Variants in LPP observed in about 807,000 individuals in gnomAD.
LPP encodes the protein lipoma-preferred partner.
LPP carries 38 observed loss-of-function variants against 60.4 expected under a neutral mutation model. The ratio of observed to expected loss-of-function variants is 0.63; its 90% confidence interval spans 0.49 to 0.83. The LOEUF (loss-of-function observed/expected upper bound fraction) is 0.83. Ranked by LOEUF, LPP falls within the 40% of genes least tolerant of loss-of-function variation. The pLI, the probability that LPP is intolerant of heterozygous loss-of-function variation, is 0.00. For missense variants in LPP, 902 were observed against 783.6 expected, an observed-to-expected ratio of 1.15 and a Z score of -1.80; for synonymous variants, 328 against 290.8, an observed-to-expected ratio of 1.13 and a Z score of -1.30.
intron 2 of LPP, among the ~76,000 whole-genome samples, chr3:188,230,954 G>A (rs930923827): frequency 4.6e-5 from 7 of 152,050 alleles, no homozygotes; most frequent in African/African-American, 7.3e-5. Flanking sequence ...CAAGCACATC[G>A]CATGATGGTT....
At chr3:188,579,940 A>G in intron 6 of LPP, among the ~76,000 whole-genome samples, 1 of 151,984 alleles carries the variant, frequency 6.6e-6, no homozygotes, top group East Asian at 1.9e-4. Flanking sequence ...GGTCAAGGCT[A>G]CAGTGAGCCA....
intron 5 of LPP, among the ~76,000 whole-genome samples, chr3:188,517,091 G>A (rs1306210092): frequency 6.6e-6 from 1 of 152,098 alleles, no homozygotes; most frequent in African/African-American, 2.4e-5. Flanking sequence ...TAAATAGCTA[G>A]CATTTATTGA....
At chr3:188,323,627 T>G (rs183505212) in intron 2 of LPP, among the ~76,000 whole-genome samples, 163 of 152,334 alleles carry the variant, frequency 1.1e-3, no homozygotes, top group Middle Eastern at 3.4e-3. Context: ...ATTCTCCTTA[T>G]GTGGAAATAA....
intron 7 of LPP, among the ~76,000 whole-genome samples, chr3:188,631,299 G>C (rs1447501689): frequency 6.6e-6 from 1 of 152,100 alleles, no homozygotes; most frequent in Non-Finnish European, 1.5e-5. Context: ...CCTTTAATCT[G>C]CACAACTTTT....
chr3:188,165,529 G>A (rs896729382), intron 1 of LPP, among the ~76,000 whole-genome samples: 3 of 152,114 alleles, frequency 2.0e-5, no homozygotes, highest in Non-Finnish European at 2.9e-5. Flanking sequence ...GATGGGTTAG[G>A]GTCTACATTG....
At chr3:188,789,806 A>G (rs1449245903) in intron 9 of LPP, among the ~76,000 whole-genome samples, 1 of 152,234 alleles carries the variant, frequency 6.6e-6, no homozygotes, top group Admixed American at 6.5e-5. Context: ...AGAAAATAAA[A>G]ATAACAAATG....
chr3:188,727,108 A>G (rs1401857778), intron 8 of LPP, among the ~76,000 whole-genome samples: 2 of 152,192 alleles, frequency 1.3e-5, no homozygotes, highest in African/African-American at 4.8e-5. Context: ...TCACCATCCC[A>G]GAAAAGCCCA....
chr3:188,835,259 A>G (rs1232885034), intron 9 of LPP, among the ~76,000 whole-genome samples: 1 of 150,816 alleles, frequency 6.6e-6, no homozygotes, highest in Non-Finnish European at 1.5e-5. Flanking sequence ...GGAGTTCTAG[A>G]CTACCCTAGC....
intron 2 of LPP, 52 bp downstream of exon 2, chr3:188,225,579 T>C (rs893680222): frequency 2.0e-5 from 3 of 152,238 alleles, no homozygotes; most frequent in Admixed American, 6.5e-5. Context: ...TCAATGTATA[T>C]GTTTTAATGA....
intron 4 of LPP, among the ~76,000 whole-genome samples, chr3:188,440,794 GA>G (rs1274826475): frequency 6.6e-6 from 1 of 152,260 alleles, no homozygotes; most frequent in East Asian, 1.9e-4. Flanking sequence ...GAGTCAGGCA[GA>G]ATGACCTTTA....
rs571384190 is a variant in LPP at position 188,800,488 on chromosome 3, G to A, written c.1410+40206G>A. On this transcript the variant is annotated intron_variant, in intron 9 of 11. Coordinates refer to ENST00000617246, the MANE Select transcript of LPP (RefSeq NM_001375462.1). The stretch of plus-strand genomic sequence containing the variant: ...TCTCCATCTCCTGACCTCGTGATCC[G>A]CCCACCTTGGCCTCCCAAAGTGCTG... Among the ~76,000 whole-genome samples, 428 of 151,844 alleles carry A rather than the reference G, an allele frequency of 2.8e-3. 2 individuals carry two copies. The highest frequency in any genetic ancestry group is 7.0e-3 in the African/African-American group (290 of 41,442).
At chr3:188,246,474 G>A (rs1322255296) in intron 2 of LPP, among the ~76,000 whole-genome samples, 1 of 152,188 alleles carries the variant, frequency 6.6e-6, no homozygotes, top group Non-Finnish European at 1.5e-5. Flanking sequence ...CTTCATAGAT[G>A]ATATAGCAAT....
chr3:188,822,463 A>T (rs1754249814), intron 9 of LPP, among the ~76,000 whole-genome samples: 1 of 152,086 alleles, frequency 6.6e-6, no homozygotes, highest in Non-Finnish European at 1.5e-5. Context: ...CATGGCATAT[A>T]TTTATGGGAT....
At chr3:188,721,241 T>G (rs1279969812) in intron 8 of LPP, among the ~76,000 whole-genome samples, 1 of 152,136 alleles carries the variant, frequency 6.6e-6, no homozygotes, top group Non-Finnish European at 1.5e-5. Flanking sequence ...GATATTAAAC[T>G]GAATACTATA....
intron 6 of LPP, among the ~76,000 whole-genome samples, chr3:188,581,729 C>T (rs1303031925): frequency 1.3e-5 from 2 of 152,106 alleles, no homozygotes; most frequent in African/African-American, 2.4e-5. Flanking sequence ...TCTATTTTAC[C>T]TCCTAAATCG....
intron 7 of LPP, among the ~76,000 whole-genome samples, chr3:188,694,670 C>G (rs1012394423): frequency 4.7e-5 from 7 of 149,978 alleles, no homozygotes; most frequent in African/African-American, 1.5e-4. Context: ...CCATTGCACA[C>G]TGAGCAACAA....
intron 9 of LPP, among the ~76,000 whole-genome samples, chr3:188,842,978 C>A (rs1264010471): frequency 6.6e-6 from 1 of 152,114 alleles, no homozygotes; most frequent in Non-Finnish European, 1.5e-5. Context: ...AGAATCACAC[C>A]ATATTTATTT....
chr3:188,532,416 C>G (rs1307261787), intron 6 of LPP, among the ~76,000 whole-genome samples: 1 of 140,172 alleles, frequency 7.1e-6, no homozygotes, highest in African/African-American at 2.8e-5. Context: ...CAGAGCAAAA[C>G]TCTGTCTCAA....
chr3:188,881,027 C>T lies in LPP; in HGVS notation c.*6548C>T, dbSNP rs1234598661. 1 of 161,310 alleles carries T rather than the reference C, an allele frequency of 6.2e-6. No individual in the cohort carries two copies. The highest frequency in any genetic ancestry group is 2.4e-5 in the African/African-American group (1 of 41,352). The allele number at this position is 161,310 out of a possible 1,614,324, so 10.0% of individuals were successfully genotyped here. Reference sequence around the variant, plus strand: ...CAGTGGCGGGCGCCTGTAGTCCCAGCTACTCAGGAGGCTGAGGCAGGAGAA... The same window carrying T: ...CAGTGGCGGGCGCCTGTAGTCCCAGTTACTCAGGAGGCTGAGGCAGGAGAA... On this transcript the variant is annotated 3_prime_UTR_variant, in exon 12 of 12. Coordinates refer to ENST00000617246, the MANE Select transcript of LPP (RefSeq NM_001375462.1).
Sources: allele counts gnomAD v4.1 joint callset (sites outside exome capture counted in the v4.1 genomes callset), GRCh38; gene constraint gnomAD v4.1.1; transcripts MANE v1.5; gene names NCBI Gene and HGNC (gene_info 2026-07-23, HGNC 2026-07-21).